The following TOM1 variants were observed in gnomAD, a reference collection of about 807,000 sequenced individuals.
The protein encoded by TOM1 is target of Myb protein 1.
TOM1 carries 38 observed loss-of-function variants against 61.3 expected under a neutral mutation model. The observed-to-expected ratio is 0.62, with a 90% CI of 0.48 to 0.81. The LOEUF (loss-of-function observed/expected upper bound fraction) is 0.81, where lower values mean the gene tolerates loss of function less well. Ranked by LOEUF, TOM1 falls within the 40% of genes least tolerant of loss-of-function variation. The probability of loss-of-function intolerance (pLI) is 0.00; values close to 1 mark genes in which losing one functional copy is unlikely to be tolerated. For synonymous variants in TOM1, 270 were observed against 268.8 expected (o/e 1.00, Z -0.04); for missense variants, 591 against 659.6 (o/e 0.90, Z 1.14).
At chr22:35,331,894 A>C (rs1462391002) in intron 8 of TOM1, among the ~76,000 whole-genome samples, 3 of 152,148 alleles carry the variant, frequency 2.0e-5, no homozygotes, top group Non-Finnish European at 4.4e-5. Flanking sequence ...TCTCAAAAAA[A>C]AAAAGGAAAG....
At chr22:35,326,449 C>A (rs1276999952) in intron 6 of TOM1, among the ~76,000 whole-genome samples, 1 of 152,234 alleles carries the variant, frequency 6.6e-6, no homozygotes, top group Non-Finnish European at 1.5e-5. Flanking sequence ...CCAAGCCCAA[C>A]TCCTTGGAAC....
chr22:35,319,091 A>G (rs758713411), intron 2 of TOM1, among the ~76,000 whole-genome samples: 1 of 152,080 alleles, frequency 6.6e-6, no homozygotes, highest in Non-Finnish European at 1.5e-5. Context: ...GACTCATGAG[A>G]GTGAGGGTGA....
At chr22:35,321,629 C>T in intron 2 of TOM1, 1 of 449,844 alleles carries the variant, frequency 2.2e-6, no homozygotes, top group South Asian at 1.6e-5. Flanking sequence ...GAACTCCTGG[C>T]CTCAAGTGAT....
At chr22:35,311,191 G>C (rs1210843894) in intron 1 of TOM1, 2 of 152,352 alleles carry the variant, frequency 1.3e-5, no homozygotes, top group Non-Finnish European at 2.9e-5. Flanking sequence ...GGCTTCAGTG[G>C]AGCCCGGTGC....
chr22:35,330,496 C>T lies in TOM1; in HGVS notation c.899+16C>T. ...GCCATGAACGGTAGCCCCAGCACCT[C>T]CCCTGGCCTCTGGCCTACTGCCCCA... On this transcript the variant is annotated intron_variant, in intron 8 of 14. Transcript: ENST00000449058. The T allele has an allele frequency of 6.2e-7, 1 of 1,601,434 alleles. No homozygotes were observed. The highest frequency in any genetic ancestry group is 8.5e-7 in the Non-Finnish European group (1 of 1,173,372).
chr22:35,316,184 C>G (rs138779), intron 1 of TOM1, among the ~76,000 whole-genome samples: 1 of 152,144 alleles, frequency 6.6e-6, no homozygotes, highest in Non-Finnish European at 1.5e-5. Flanking sequence ...GCATGTGACA[C>G]TTGCAGGGGA....
At chr22:35,335,406 T>A (rs1429801340) in intron 11 of TOM1, among the ~76,000 whole-genome samples, 1 of 152,146 alleles carries the variant, frequency 6.6e-6, no homozygotes, top group Non-Finnish European at 1.5e-5. Context: ...CCCTGGCTGT[T>A]AGCTGTATCT....
rs375882814 is a variant in TOM1 at position 35,327,434 on chromosome 22, G to A, written c.765+47G>A. ...CTGGGGCTCAGATGACTCCTGCCCA[G>A]CTGCCCACATGCATTCTTTCCCAAT... On this transcript the variant is annotated intron_variant, in intron 7 of 14. Coordinates refer to ENST00000449058, the MANE Select transcript of TOM1 (RefSeq NM_005488.3). 4.5e-6 allele frequency: 6 copies of A among 1,322,552 alleles called. No individual in the cohort carries two copies. In the African/African-American group the frequency reaches 7.2e-5, roughly 16 times the overall value. 81.9% of individuals were successfully genotyped at this position (1,322,552 alleles called of 1,614,324 possible).
chr22:35,323,331 A>C lies in TOM1; in HGVS notation c.366+154A>C. The C allele has an allele frequency of 7.4e-7, 1 of 1,351,432 alleles. No individual in the cohort carries two copies. Among genetic ancestry groups the C allele is most frequent in the Admixed American group, 2.1e-5 (1 of 46,938 alleles). 83.7% of individuals were successfully genotyped at this position (1,351,432 alleles called of 1,614,324 possible). On this transcript the variant is annotated intron_variant, in intron 4 of 14. Transcript: ENST00000449058. The surrounding 1 kb of genome is among the most constrained non-coding windows in gnomAD (Gnocchi z 4.2). ...TCGGCTGGTGGGATGTTCTGTGGGG[A>C]GGGAGGCTTGCCAACTGCGTGCTTT... is the stretch of plus-strand genomic sequence containing the variant.
intron 10 of TOM1, among the ~76,000 whole-genome samples, chr22:35,334,083 A>G (rs1601703831): frequency 6.6e-6 from 1 of 152,180 alleles, no homozygotes; most frequent in South Asian, 2.1e-4. Flanking sequence ...ATCAATGGAT[A>G]GCGTTTTGAC....
rs976091969 is a variant in TOM1 at position 35,346,828 on chromosome 22, A to G, written c.1285-102A>G. ...GCGTGCAGAGCCTGAGCTGGGACCC[A>G]GTGCTGAGGTTCAGCGGGGCCCGAG... On this transcript the variant is annotated intron_variant, in intron 13 of 14. Transcript: ENST00000449058. The G allele has an allele frequency of 8.1e-6, 9 of 1,105,470 alleles. No individual in the cohort carries two copies. The African/African-American group carries it at 1.4e-4, about 17-fold the overall frequency. 68.5% of individuals were successfully genotyped at this position (1,105,470 alleles called of 1,614,324 possible).
chr22:35,335,182 G>A (rs5999797), intron 11 of TOM1, among the ~76,000 whole-genome samples: 8,361 of 152,252 alleles, frequency 0.055, 294 homozygotes, highest in Middle Eastern at 0.16. Context: ...TTTGCCCACT[G>A]TGACCCCCAG....
At chr22:35,319,118 C>T (rs1927555729) in intron 2 of TOM1, among the ~76,000 whole-genome samples, 1 of 152,130 alleles carries the variant, frequency 6.6e-6, no homozygotes. Flanking sequence ...GAGTGGTGGG[C>T]AGAGGTCAGA....
intron 1 of TOM1, among the ~76,000 whole-genome samples, chr22:35,310,205 G>A (rs1334348728): frequency 6.6e-6 from 1 of 152,202 alleles, no homozygotes; most frequent in African/African-American, 2.4e-5. Flanking sequence ...TCAGAGTGGA[G>A]TGGTCACAGG....
At chr22:35,329,084 C>G (rs1928590375) in intron 7 of TOM1, among the ~76,000 whole-genome samples, 1 of 152,094 alleles carries the variant, frequency 6.6e-6, no homozygotes, top group Non-Finnish European at 1.5e-5. Flanking sequence ...GCCTTCCAAG[C>G]AGCTGGGATT....
chr22:35,335,252 T>C (rs4467), intron 11 of TOM1, among the ~76,000 whole-genome samples: 132,360 of 152,172 alleles, frequency 0.87, 57,673 homozygotes, highest in Middle Eastern at 0.94. Context: ...TTATGGGATC[T>C]TCCCACTGAC....
chr22:35,309,466 A>G (rs1926626986), intron 1 of TOM1, among the ~76,000 whole-genome samples: 1 of 152,128 alleles, frequency 6.6e-6, no homozygotes, highest in South Asian at 2.1e-4. Context: ...CAACATGGTA[A>G]AACCCCATCT....
chr22:35,316,707 C>A (rs1927318082), intron 1 of TOM1, among the ~76,000 whole-genome samples: 1 of 152,156 alleles, frequency 6.6e-6, no homozygotes, highest in Non-Finnish European at 1.5e-5. Flanking sequence ...TGGTTGTATT[C>A]AGTATTACAG....
At chr22:35,344,930 T>C (rs920262028) in intron 12 of TOM1, 1 of 152,248 alleles carries the variant, frequency 6.6e-6, no homozygotes, top group Non-Finnish European at 1.5e-5. Context: ...GCAGAGAAGT[T>C]AAGTAACCCA....
Sources: gnomAD v4.1 joint callset for allele counts (sites outside exome capture counted in the v4.1 genomes callset) on GRCh38, gnomAD v4.1.1 for gene constraint, Gnocchi (gnomAD v3.1) non-coding constraint, MANE v1.5 for transcripts, NCBI Gene and HGNC (gene_info 2026-07-23, HGNC 2026-07-21) for gene names.